CEP164: variants seen among roughly 807,000 people sequenced by gnomAD.
CEP164 encodes centrosomal protein of 164 kDa.
In CEP164, 162 loss-of-function variants were observed where a neutral mutation model predicts 182.7. That is an observed-to-expected ratio of 0.89 (90% CI 0.78 to 1.01). The LOEUF (loss-of-function observed/expected upper bound fraction) is 1.01. Ranked by LOEUF, CEP164 falls within the 50% of genes least tolerant of loss-of-function variation. CEP164 has a pLI of 0.00. For synonymous variants in CEP164, 661 were observed against 690.0 expected, an observed-to-expected ratio of 0.96 and a Z score of 0.66; for missense variants, 1,735 against 1,790.4, an observed-to-expected ratio of 0.97 and a Z score of 0.56.
intron 5 of CEP164, chr11:117,356,070 A>G: frequency 1.8e-6 from 2 of 1,099,482 alleles, no homozygotes; most frequent in Non-Finnish European, 2.2e-6. Flanking sequence ...GATGAGGTGA[A>G]CAACTTCCCT....
chr11:117,379,293 C>T (rs750765699), intron 11 of CEP164, among the ~76,000 whole-genome samples: 5 of 152,150 alleles, frequency 3.3e-5, no homozygotes, highest in Non-Finnish European at 7.3e-5. Context: ...CCTTCCTCAC[C>T]CATCCAGATG....
Position 117,350,882 on chromosome 11 carries a change from T to C in CEP164, c.195-908T>C, listed in dbSNP as rs187422079. ...AAAATATTTTGCATTACTCTTTTCC[T>C]GTTAGCTGTCCTAATAGATTGTTGT... On this transcript the variant is annotated intron_variant, in intron 4 of 32. Transcript: ENST00000278935. Among the ~76,000 whole-genome samples the C allele has an allele frequency of 4.7e-4, 72 of 152,358 alleles. No individual in the cohort carries two copies. The East Asian group carries it at 0.01, about 22-fold the overall frequency.
At chr11:117,345,511 G>C (rs2038759333) in intron 4 of CEP164, among the ~76,000 whole-genome samples, 1 of 152,048 alleles carries the variant, frequency 6.6e-6, no homozygotes, top group Non-Finnish European at 1.5e-5. Context: ...GTATCTTAGG[G>C]GTCCCCTCTT....
chr11:117,387,427 C>CT lies in CEP164; in HGVS notation c.1934+17dup, dbSNP rs1490060807. 1 of 1,612,724 alleles carries CT rather than the reference C, an allele frequency of 6.2e-7. No individual in the cohort carries two copies. Among genetic ancestry groups the CT allele is most frequent in the Admixed American group, 1.7e-5 (1 of 59,982 alleles). ...CAATCTCTCAGGTCCTGCCCTTCCCCTTAGGCATGCTTCCTGGGGCCTTTC... is the reference window on the plus strand; with the variant it reads ...CAATCTCTCAGGTCCTGCCCTTCCCCTTTAGGCATGCTTCCTGGGGCCTTTC... On this transcript the variant is annotated intron_variant, in intron 15 of 32. Transcript: ENST00000278935.
chr11:117,412,396 C>T lies in CEP164; in HGVS notation c.*228C>T. 2.4e-6 allele frequency: 1 copy of T among 413,236 alleles called. No individual in the cohort carries two copies. Among genetic ancestry groups the T allele is most frequent in the Non-Finnish European group, 4.4e-6 (1 of 228,506 alleles). The allele number at this position is 413,236 out of a possible 1,614,324, so 25.6% of individuals were successfully genotyped here. On this transcript the variant is annotated 3_prime_UTR_variant, in exon 33 of 33. Transcript: ENST00000278935. ...GACTCGTACGAGCTCTTGTCATTGA[C>T]ATGGCAAGCTGATGGCGTGCGGTGG... is the stretch of plus-strand genomic sequence containing the variant.
chr11:117,366,199 G>T (rs924235253), intron 8 of CEP164, among the ~76,000 whole-genome samples: 1 of 151,986 alleles, frequency 6.6e-6, no homozygotes, highest in African/African-American at 2.4e-5. Context: ...GCCTCTGCTT[G>T]GTCCCTGCTC....
Position 117,412,289 on chromosome 11 carries a change from C to A in CEP164, c.*121C>A, listed in dbSNP as rs1488136605. On this transcript the variant is annotated 3_prime_UTR_variant, in exon 33 of 33. Coordinates refer to ENST00000278935, the MANE Select transcript of CEP164 (RefSeq NM_014956.5). ...TCCTTCCCCCTTTGACTTGCAGGAGCCACCAGGGACCAGGGGGTTGAGTGG... is the reference window on the plus strand; with the variant it reads ...TCCTTCCCCCTTTGACTTGCAGGAGACACCAGGGACCAGGGGGTTGAGTGG... 1 of 784,624 alleles carries A rather than the reference C, an allele frequency of 1.3e-6. No homozygotes were observed. Among genetic ancestry groups the A allele is most frequent in the South Asian group, 1.8e-5 (1 of 55,828 alleles). 48.6% of individuals were successfully genotyped at this position (784,624 alleles called of 1,614,324 possible).
At chr11:117,401,529 T>C (rs2046134638) in intron 27 of CEP164, among the ~76,000 whole-genome samples, 1 of 152,218 alleles carries the variant, frequency 6.6e-6, no homozygotes, top group African/African-American at 2.4e-5. Flanking sequence ...TTCTATTGTT[T>C]GGAGTAGTTT....
chr11:117,334,814 G>A (rs2036804483), intron 1 of CEP164, among the ~76,000 whole-genome samples: 1 of 148,492 alleles, frequency 6.7e-6, no homozygotes, highest in Non-Finnish European at 1.5e-5. Context: ...GGTAAATATA[G>A]ATCATTATGT....
At chr11:117,390,727 A>G (rs1270445246) in intron 15 of CEP164, 50 bp from the exon 16 acceptor site, 2 of 1,611,422 alleles carry the variant, frequency 1.2e-6, no homozygotes, top group Non-Finnish European at 1.7e-6. Flanking sequence ...TGAATAGAAG[A>G]AAGACCTTTG....
At chr11:117,362,054 C>T in intron 6 of CEP164, 61 bp downstream of exon 6, 1 of 1,427,438 alleles carries the variant, frequency 7.0e-7, no homozygotes. Context: ...GTGTGCCATA[C>T]CAGGAACTAT....
At chr11:117,348,366 AGTT>A (rs1344715399) in intron 4 of CEP164, among the ~76,000 whole-genome samples, 1 of 152,094 alleles carries the variant, frequency 6.6e-6, no homozygotes, top group Non-Finnish European at 1.5e-5. Context: ...GCATTTCCCA[AGTT>A]GTTTGTAGAG....
intron 1 of CEP164, among the ~76,000 whole-genome samples, chr11:117,322,354 A>T (rs1181570828): frequency 2.6e-5 from 4 of 151,928 alleles, no homozygotes; most frequent in Non-Finnish European, 5.9e-5. Flanking sequence ...TGACCTCATG[A>T]TCCGCCCGCC....
intron 27 of CEP164, among the ~76,000 whole-genome samples, chr11:117,404,633 A>G (rs565208489): frequency 9.2e-5 from 14 of 152,338 alleles, no homozygotes; most frequent in African/African-American, 3.1e-4. Context: ...ATGGGGGTCA[A>G]GGACCCACTT....
Position 117,361,922 on chromosome 11 carries a change from C to CTTCGTGGATCTCA in CEP164, c.482_494dup (p.Gln165HisfsTer44). Reference sequence around the variant, plus strand: ...TCTTGTGGATACCCCACCCTCTGCTCTTCGTGGATCTCAAAGCGTGAGCCT... The same window carrying CTTCGTGGATCTCA: ...TCTTGTGGATACCCCACCCTCTGCTCTTCGTGGATCTCATTCGTGGATCTCAAAGCGTGAGCCT... On this transcript the variant is annotated frameshift_variant, in exon 6 of 33. Coordinates refer to ENST00000278935, the MANE Select transcript of CEP164 (RefSeq NM_014956.5). LOFTEE classifies it high-confidence loss of function. 1 of 1,610,878 alleles carries CTTCGTGGATCTCA rather than the reference C, an allele frequency of 6.2e-7. No individual in the cohort carries two copies. The highest frequency in any genetic ancestry group is 8.5e-7 in the Non-Finnish European group (1 of 1,179,260).
In CEP164 at chr11:117,392,494, A is replaced by G; in HGVS notation, c.2362-2A>G. The G allele has an allele frequency of 6.2e-7, 1 of 1,613,276 alleles. No homozygotes were observed. Among genetic ancestry groups the G allele is most frequent in the Non-Finnish European group, 8.5e-7 (1 of 1,179,624 alleles). On this transcript the variant is annotated splice_acceptor_variant, in intron 18 of 32. Coordinates refer to ENST00000278935, the MANE Select transcript of CEP164 (RefSeq NM_014956.5). LOFTEE classifies it high-confidence loss of function. Reference sequence around the variant, plus strand: ...CCCCTGTGTGTGCGGGGGCCTCCTCAGGTGGTCTCCAGCCTCCAGAAGAAG... The same window carrying G: ...CCCCTGTGTGTGCGGGGGCCTCCTCGGGTGGTCTCCAGCCTCCAGAAGAAG...
At chr11:117,328,998 T>C (rs2035777074) in intron 1 of CEP164, among the ~76,000 whole-genome samples, 1 of 152,242 alleles carries the variant, frequency 6.6e-6, no homozygotes, top group African/African-American at 2.4e-5. Flanking sequence ...GTTCATAATT[T>C]CTTGCTTGTG....
intron 5 of CEP164, among the ~76,000 whole-genome samples, chr11:117,356,906 C>T (rs752202532): frequency 1.1e-4 from 17 of 151,956 alleles, no homozygotes; most frequent in South Asian, 2.1e-4. Flanking sequence ...ATCAGTTTTG[C>T]GGGTGAGCAG....
chr11:117,355,999 GAGCAGC>G (rs6144525), intron 5 of CEP164: 18 of 1,122,602 alleles, frequency 1.6e-5, no homozygotes, highest in South Asian at 1.5e-4. Flanking sequence ...CTGACTTGGA[GAGCAGC>G]AGCAGCAGCA....
Sources: allele counts gnomAD v4.1 joint callset (sites outside exome capture counted in the v4.1 genomes callset), GRCh38; gene constraint gnomAD v4.1.1; transcripts MANE v1.5; gene names NCBI Gene and HGNC (gene_info 2026-07-23, HGNC 2026-07-21).